GRID2: variants seen among roughly 807,000 people sequenced by gnomAD.
GRID2 encodes glutamate ionotropic receptor delta type subunit 2.
Under a neutral mutation model 114.8 loss-of-function variants are expected in GRID2, and 33 were observed. The ratio of observed to expected loss-of-function variants is 0.29; its 90% CI spans 0.22 to 0.38. The LOEUF (loss-of-function observed/expected upper bound fraction) is 0.38. Ranked by LOEUF, GRID2 falls within the 10% of genes least tolerant of loss-of-function variation. The probability of loss-of-function intolerance (pLI) is 1.00; values close to 1 mark genes in which losing one functional copy is unlikely to be tolerated. For missense variants in GRID2, 1,184 were observed against 1,257.7 expected, an observed-to-expected ratio of 0.94 and a Z score of 0.89; for synonymous variants, 505 against 449.9, an observed-to-expected ratio of 1.12 and a Z score of -1.55.
intron 2 of GRID2, among the ~76,000 whole-genome samples, chr4:92,870,267 G>GACACACACAC (rs370794678): frequency 6.9e-5 from 10 of 144,482 alleles, no homozygotes; most frequent in African/African-American, 2.5e-4. Flanking sequence ...ACATTATACG[G>GACACACACAC]ACACACACAC....
intron 2 of GRID2, among the ~76,000 whole-genome samples, chr4:92,764,406 T>C (rs904140901): frequency 6.6e-6 from 1 of 152,148 alleles, no homozygotes; most frequent in Non-Finnish European, 1.5e-5. Context: ...GGACTTACAA[T>C]TGGGTCTTTT....
intron 4 of GRID2, among the ~76,000 whole-genome samples, chr4:93,201,158 A>T (rs1313370617): frequency 6.6e-6 from 1 of 152,212 alleles, no homozygotes; most frequent in Non-Finnish European, 1.5e-5. Flanking sequence ...GAAATAGTAT[A>T]TATTAATATG....
intron 14 of GRID2, among the ~76,000 whole-genome samples, chr4:93,656,127 AT>A (rs1290478189): frequency 6.6e-6 from 1 of 151,844 alleles, no homozygotes; most frequent in Non-Finnish European, 1.5e-5. Flanking sequence ...TATCCATTTT[AT>A]TTGATAATAA....
At position 93,400,765 on chromosome 4, in the gene GRID2, A is replaced by G. The variant is rs530512906; in HGVS notation, c.1347+5057A>G. On this transcript the variant is annotated intron_variant, in intron 9 of 15. Coordinates refer to ENST00000282020, the MANE Select transcript of GRID2 (RefSeq NM_001510.4). ...GATTGGCCTTAAAAAAGACATATAC[A>G]TTCCTAATAAACATACATTCACTCA... Among the ~76,000 whole-genome samples, 25 of 152,238 alleles carry G rather than the reference A, an allele frequency of 1.6e-4. No homozygotes were observed. The South Asian group carries it at 5.0e-3, about 30-fold the overall frequency.
At chr4:93,279,467 C>T (rs377504707) in intron 8 of GRID2, among the ~76,000 whole-genome samples, 2 of 151,636 alleles carry the variant, frequency 1.3e-5, no homozygotes, top group South Asian at 4.1e-4. Flanking sequence ...GGATACTCAG[C>T]CATGATATTG....
chr4:93,515,320 G>C lies in GRID2; in HGVS notation c.2102G>C (p.Arg701Thr), dbSNP rs1208998718. Residue 701 changes from arginine to threonine, a missense_variant, in exon 13 of 16, where the codon AGG becomes ACG. Coordinates refer to ENST00000282020, the MANE Select transcript of GRID2 (RefSeq NM_001510.4). ...VRMKGLNPFERDSMYSQMWRM... is the reference protein window; with the variant it reads ...VRMKGLNPFETDSMYSQMWRM... ...ATGAAAGGACTGAATCCTTTTGAGAGGGACAGCATGTATTCCCAAATGTGG... is the reference window on the plus strand; with the variant it reads ...ATGAAAGGACTGAATCCTTTTGAGACGGACAGCATGTATTCCCAAATGTGG... The C allele has an allele frequency of 2.5e-6, 4 of 1,611,604 alleles. No homozygotes were observed. The highest frequency in any genetic ancestry group is 1.1e-5 in the South Asian group (1 of 91,022).
intron 14 of GRID2, among the ~76,000 whole-genome samples, chr4:93,661,820 A>T (rs368840400): frequency 6.6e-6 from 1 of 152,192 alleles, no homozygotes; most frequent in African/African-American, 2.4e-5. Context: ...TTACAGTGTC[A>T]TCAACAAAAC....
intron 12 of GRID2, among the ~76,000 whole-genome samples, chr4:93,508,528 G>T (rs910673354): frequency 1.3e-5 from 2 of 152,028 alleles, no homozygotes; most frequent in Non-Finnish European, 2.9e-5. Flanking sequence ...AATACTTCTG[G>T]TCATGATTAG....
At chr4:92,309,170 G>A (rs182535438) in intron 1 of GRID2, among the ~76,000 whole-genome samples, 15 of 151,982 alleles carry the variant, frequency 9.9e-5, no homozygotes, top group Admixed American at 7.2e-4. Flanking sequence ...AAAAATAAAA[G>A]CCAATTGAAA....
chr4:92,982,038 A>G (rs1007546803), intron 2 of GRID2, among the ~76,000 whole-genome samples: 3 of 112,832 alleles, frequency 2.7e-5, no homozygotes, highest in East Asian at 7.1e-4. Flanking sequence ...AAAAAAAAAA[A>G]AAAAAAAGAA....
At chr4:92,632,654 G>C (rs1390008168) in intron 2 of GRID2, among the ~76,000 whole-genome samples, 1 of 150,870 alleles carries the variant, frequency 6.6e-6, no homozygotes, top group East Asian at 2.0e-4. Flanking sequence ...AGAAAGGAAA[G>C]GAAGGGAAGA....
At chr4:92,420,245 G>C (rs146752817) in intron 1 of GRID2, among the ~76,000 whole-genome samples, 215 of 152,160 alleles carry the variant, frequency 1.4e-3, no homozygotes, top group African/African-American at 5.0e-3. Context: ...TAATTGGATT[G>C]ATCCATTTAT....
intron 1 of GRID2, among the ~76,000 whole-genome samples, chr4:92,542,135 C>T (rs892753275): frequency 1.3e-5 from 2 of 151,966 alleles, no homozygotes; most frequent in East Asian, 1.9e-4. Context: ...TTTAGAAAAG[C>T]TGATATGGTA....
At chr4:92,305,025 C>G (rs1725303369) in intron 1 of GRID2, among the ~76,000 whole-genome samples, 1 of 152,136 alleles carries the variant, frequency 6.6e-6, no homozygotes, top group Non-Finnish European at 1.5e-5. Context: ...GTGCTGGGAA[C>G]TGCAGGGGGA....
At chr4:93,324,289 G>C (rs1340730057) in intron 8 of GRID2, among the ~76,000 whole-genome samples, 1 of 152,080 alleles carries the variant, frequency 6.6e-6, no homozygotes, top group African/African-American at 2.4e-5. Flanking sequence ...GGCCTTTTCT[G>C]CATCTGTGGA....
chr4:92,549,355 C>T (rs80319447), intron 1 of GRID2, among the ~76,000 whole-genome samples: 3,944 of 152,146 alleles, frequency 0.026, 179 homozygotes, highest in African/African-American at 0.09. Context: ...TATACCACAC[C>T]ATGTCACCAT....
intron 4 of GRID2, among the ~76,000 whole-genome samples, chr4:93,122,311 A>G (rs1733848364): frequency 6.6e-6 from 1 of 152,128 alleles, no homozygotes; most frequent in African/African-American, 2.4e-5. Flanking sequence ...CCATATGGTG[A>G]ACACTTCATT....
chr4:93,210,357 A>G (rs570720918), intron 5 of GRID2, among the ~76,000 whole-genome samples: 1 of 152,180 alleles, frequency 6.6e-6, no homozygotes, highest in African/African-American at 2.4e-5. Flanking sequence ...TCCTTTCCCC[A>G]TTGCTTATTG....
intron 2 of GRID2, among the ~76,000 whole-genome samples, chr4:92,919,267 T>G (rs1181352797): frequency 6.6e-6 from 1 of 152,024 alleles, no homozygotes; most frequent in Non-Finnish European, 1.5e-5. Flanking sequence ...TCTTGGTAGC[T>G]GTCTATCAAT....
Sources: gnomAD v4.1 joint callset for allele counts (sites outside exome capture counted in the v4.1 genomes callset) on GRCh38, gnomAD v4.1.1 for gene constraint, MANE v1.5 for transcripts, NCBI Gene and HGNC (gene_info 2026-07-23, HGNC 2026-07-21) for gene names.